LRP12: variants seen among roughly 807,000 people sequenced by gnomAD.
LRP12 encodes low-density lipoprotein receptor-related protein 12.
LRP12 carries 14 observed loss-of-function variants against 66.0 expected under a neutral mutation model. That is an observed-to-expected ratio of 0.21 (90% CI 0.14 to 0.33). The LOEUF is 0.33. LRP12 is among the 10% of genes least tolerant of loss of function. The probability of loss-of-function intolerance (pLI) is 1.00; values close to 1 mark genes in which losing one functional copy is unlikely to be tolerated. For synonymous variants in LRP12, 357 were observed against 359.1 expected, an observed-to-expected ratio of 0.99 and a Z score of 0.07; for missense variants, 889 against 1,053.4, an observed-to-expected ratio of 0.84 and a Z score of 2.16.
intron 1 of LRP12, among the ~76,000 whole-genome samples, chr8:104,547,635 T>C (rs1401990545): frequency 1.6e-5 from 2 of 125,446 alleles, no homozygotes; most frequent in Non-Finnish European, 3.1e-5. Flanking sequence ...ATATAATAAA[T>C]ATATATTAAT....
At chr8:104,568,720 C>T (rs1812039321) in intron 1 of LRP12, among the ~76,000 whole-genome samples, 1 of 152,084 alleles carries the variant, frequency 6.6e-6, no homozygotes, top group South Asian at 2.1e-4. Flanking sequence ...ATCAAAACCA[C>T]CATGACATAC....
At chr8:104,545,390 C>T (rs1181081922) in intron 1 of LRP12, among the ~76,000 whole-genome samples, 1 of 152,076 alleles carries the variant, frequency 6.6e-6, no homozygotes, top group African/African-American at 2.4e-5. Flanking sequence ...AAGACTGACC[C>T]CTATTTTGAA....
At chr8:104,523,330 C>T (rs1298434218) in intron 2 of LRP12, among the ~76,000 whole-genome samples, 1 of 152,110 alleles carries the variant, frequency 6.6e-6, no homozygotes, top group Non-Finnish European at 1.5e-5. Context: ...AAAAAATACA[C>T]TAACCTATTA....
In LRP12 at chr8:104,588,964, A is replaced by ACGC. The variant is rs146897880; in HGVS notation, c.-70_-68dup. ...AGGGAGGAGAAGCTGGAGGTAGACG[A>ACGC]CGCCGACGCCGCCGCCGCCGCCGCC... On this transcript the variant is annotated 5_prime_UTR_variant, in exon 1 of 7. Coordinates refer to ENST00000276654, the MANE Select transcript of LRP12 (RefSeq NM_013437.5). 48,008 of 904,004 alleles carry ACGC rather than the reference A, an allele frequency of 0.053. 2,330 individuals carry two copies. Among genetic ancestry groups the ACGC allele is most frequent in the African/African-American group, 0.12 (4,396 of 36,440 alleles). 56.0% of individuals were successfully genotyped at this position (904,004 alleles called of 1,614,324 possible). A position where few individuals can be genotyped will look rare whatever the true frequency, so the allele number is the denominator to read the frequency against.
Position 104,490,941 on chromosome 8 carries a change from T to C in LRP12, c.2312A>G (p.Asp771Gly). Residue 771 changes from aspartate to glycine, a missense_variant, in exon 7 of 7, where the codon GAT (aspartate) becomes GGT (glycine). This residue lies in a region of LRP12 where 800 missense variants were observed against 964.5 expected (regional missense o/e 0.83). Transcript: ENST00000276654. Reference sequence around the variant, plus strand: ...AATTGGAATTAGCATTTCAACATCATCATCATCTTCTCTTCCACTTACCCC... The same window carrying C: ...AATTGGAATTAGCATTTCAACATCACCATCATCTTCTCTTCCACTTACCCC... ...DNGVSGREDD[D>G]DVEMLIPISD... 6.2e-7 allele frequency: 1 copy of C among 1,614,010 alleles called. No individual in the cohort carries two copies. The highest frequency in any genetic ancestry group is 8.5e-7 in the Non-Finnish European group (1 of 1,180,028).
At chr8:104,538,067 A>G (rs2140868160) in intron 1 of LRP12, among the ~76,000 whole-genome samples, 1 of 152,328 alleles carries the variant, frequency 6.6e-6, no homozygotes, top group African/African-American at 2.4e-5. Context: ...TGTTTAGAAC[A>G]GCTTAGGTCA....
chr8:104,572,109 G>A (rs1035563748), intron 1 of LRP12, among the ~76,000 whole-genome samples: 2 of 152,216 alleles, frequency 1.3e-5, no homozygotes, highest in African/African-American at 4.8e-5. Context: ...GCAACAATGT[G>A]CATGAATCTC....
chr8:104,491,607 ACCCTTCT>A, intron 6 of LRP12, 68 bp from the exon 7 acceptor site: 4 of 899,584 alleles, frequency 4.4e-6, no homozygotes, highest in Non-Finnish European at 6.6e-6. Context: ...AAAAAAAAAC[ACCCTTCT>A]ATTAAGAATG....
At chr8:104,517,867 G>T (rs2140850464) in intron 2 of LRP12, among the ~76,000 whole-genome samples, 1 of 152,172 alleles carries the variant, frequency 6.6e-6, no homozygotes, top group East Asian at 1.9e-4. Flanking sequence ...GTAAGCAAAT[G>T]GTGTCTGGAT....
intron 1 of LRP12, among the ~76,000 whole-genome samples, chr8:104,559,855 TGAAAAAAAA>T (rs1811876167): frequency 6.6e-6 from 1 of 151,956 alleles, no homozygotes; most frequent in Non-Finnish European, 1.5e-5. Flanking sequence ...TTTCCCCAAA[TGAAAAAAAA>T]GAAAAAATAT....
rs527697778 is a variant in LRP12 at position 104,541,107 on chromosome 8, A to G, written c.80-9144T>C. ...GACTTCCTGTAGTATTATGTTAGTA[A>G]GATTTTATGTTTGAAATGTCTTGGA... On this transcript the variant is annotated intron_variant, in intron 1 of 6. Transcript: ENST00000276654. Among the ~76,000 whole-genome samples, 3 of 152,328 alleles carry G rather than the reference A, an allele frequency of 2.0e-5. No individual in the cohort carries two copies. The South Asian group carries it at 6.2e-4, about 32-fold the overall frequency.
At position 104,491,248 on chromosome 8, in the gene LRP12, C is replaced by A; in HGVS notation, c.2005G>T (p.Gly669Cys). 1.2e-6 allele frequency: 2 copies of A among 1,614,054 alleles called. No homozygotes were observed. Among genetic ancestry groups the A allele is most frequent in the Non-Finnish European group, 1.7e-6 (2 of 1,180,012 alleles). ...NERRDMAGASGGVAAPLPQKV... is the reference protein window; with the variant it reads ...NERRDMAGASCGVAAPLPQKV... ...TGAGGCAAAGGAGCTGCAACCCCACCAGATGCTCCTGCCATATCTCTTCTC... is the reference window on the plus strand; with the variant it reads ...TGAGGCAAAGGAGCTGCAACCCCACAAGATGCTCCTGCCATATCTCTTCTC... Residue 669 changes from glycine (G) to cysteine (C), a missense_variant, in exon 7 of 7, where the codon GGT becomes TGT. Physicochemically the swap from Gly to Cys is radical, Grantham distance 159 (BLOSUM62 -3). This residue lies in a region of LRP12 where 800 missense variants were observed against 964.5 expected (regional missense o/e 0.83). Coordinates refer to ENST00000276654, the MANE Select transcript of LRP12 (RefSeq NM_013437.5).
At chr8:104,558,306 C>T (rs938148611) in intron 1 of LRP12, among the ~76,000 whole-genome samples, 1 of 152,040 alleles carries the variant, frequency 6.6e-6, no homozygotes, top group Non-Finnish European at 1.5e-5. Context: ...CCAACACTTA[C>T]AGTCAATTGA....
intron 1 of LRP12, among the ~76,000 whole-genome samples, chr8:104,532,410 A>G (rs1811338195): frequency 6.6e-6 from 1 of 152,018 alleles, no homozygotes; most frequent in South Asian, 2.1e-4. Context: ...TGTCTTCTAA[A>G]TCTTCAAAAA....
chr8:104,519,529 T>C (rs1404039502), intron 2 of LRP12, among the ~76,000 whole-genome samples: 2 of 152,008 alleles, frequency 1.3e-5, no homozygotes, highest in East Asian at 3.9e-4. Flanking sequence ...AATGCTTCAA[T>C]GAGTATTTCC....
At chr8:104,539,497 A>C (rs980989101) in intron 1 of LRP12, among the ~76,000 whole-genome samples, 1 of 130,634 alleles carries the variant, frequency 7.7e-6, no homozygotes. Flanking sequence ...TTTTTTAAAC[A>C]AAAAAAAACC....
In LRP12 at chr8:104,588,961, A is replaced by ACGCCGCCGCCGCCGCCGCCGC. The variant is rs1408393432; in HGVS notation, c.-65_-64insGCGGCGGCGGCGGCGGCGGCG. 4.2e-6 allele frequency: 4 copies of ACGCCGCCGCCGCCGCCGCCGC among 963,692 alleles called. No homozygotes were observed. The highest frequency in any genetic ancestry group is 6.9e-5 in the Admixed American group (2 of 28,910). 59.7% of individuals were successfully genotyped at this position (963,692 alleles called of 1,614,324 possible). A position where few individuals can be genotyped will look rare whatever the true frequency, so the allele number is the denominator to read the frequency against. On this transcript the variant is annotated 5_prime_UTR_variant, in exon 1 of 7. Transcript: ENST00000276654. ...AGGAGGGAGGAGAAGCTGGAGGTAG[A>ACGCCGCCGCCGCCGCCGCCGC]CGACGCCGACGCCGCCGCCGCCGCC...
At position 104,497,772 on chromosome 8, in the gene LRP12, C is replaced by T; in HGVS notation, c.780G>A (p.Gly260=). ...TACCATAAAAATATTTTAGCCATTG[C>T]CCACATGTTGGCACATCACAGTCTA... ...DEIDCDVPTC[G]QWLKYFYGTF... Residue 260 remains glycine, a synonymous_variant, in exon 5 of 7, where the codon GGG becomes GGA. Coordinates refer to ENST00000276654, the MANE Select transcript of LRP12 (RefSeq NM_013437.5). This position sits in a 1 kb window ranked among gnomAD's most constrained non-coding sequence, Gnocchi z 4.3. 6.2e-7 allele frequency: 1 copy of T among 1,613,944 alleles called. No individual in the cohort carries two copies. Among genetic ancestry groups the T allele is most frequent in the Non-Finnish European group, 8.5e-7 (1 of 1,179,928 alleles).
At chr8:104,587,152 G>A (rs568301592) in intron 1 of LRP12, among the ~76,000 whole-genome samples, 1 of 152,264 alleles carries the variant, frequency 6.6e-6, no homozygotes, top group East Asian at 1.9e-4. Context: ...TGAAAGAAGA[G>A]CCCATTTATT....
Sources: gnomAD v4.1 joint callset for allele counts (sites outside exome capture counted in the v4.1 genomes callset) on GRCh38, gnomAD v4.1.1 for gene constraint, gnomAD v4.1.1 regional missense constraint, Gnocchi (gnomAD v3.1) non-coding constraint, MANE v1.5 for transcripts, NCBI Gene and HGNC (gene_info 2026-07-23, HGNC 2026-07-21) for gene names.